IL1RAPL2: variants seen among roughly 807,000 people sequenced by gnomAD.
IL1RAPL2 encodes interleukin 1 receptor accessory protein like 2.
In IL1RAPL2, 3 loss-of-function variants were observed where a neutral mutation model predicts 44.1. That is an observed-to-expected ratio of 0.07 (90% CI 0.03 to 0.18). The LOEUF (loss-of-function observed/expected upper bound fraction) is 0.18. Ranked by LOEUF, IL1RAPL2 falls within the 10% of genes least tolerant of loss-of-function variation. IL1RAPL2 has a pLI of 1.00. For synonymous variants in IL1RAPL2, 181 were observed against 178.8 expected (o/e 1.01, Z -0.10); for missense variants, 391 against 496.4 (o/e 0.79, Z 2.02).
At chrX:104,879,737 C>T (rs981006474) in intron 2 of IL1RAPL2, among the ~76,000 whole-genome samples, 9 of 111,699 alleles carry the variant, frequency 8.1e-5, no homozygotes, top group Non-Finnish European at 1.7e-4. Context: ...TTGACTTCAT[C>T]CTCTACATAG....
At chrX:105,157,914 T>G (rs968079695) in intron 2 of IL1RAPL2, among the ~76,000 whole-genome samples, 16 of 112,206 alleles carry the variant, frequency 1.4e-4, no homozygotes, top group Non-Finnish European at 2.8e-4. Flanking sequence ...TGTATGAGTT[T>G]TAGCTTCCTT....
At chrX:105,721,057 T>C (rs896395790) in intron 7 of IL1RAPL2, among the ~76,000 whole-genome samples, 2 of 111,326 alleles carry the variant, frequency 1.8e-5, no homozygotes. Flanking sequence ...CAATCCAATG[T>C]CCATCAACAG....
intron 2 of IL1RAPL2, among the ~76,000 whole-genome samples, chrX:105,016,038 A>G (rs921607915): frequency 1.8e-5 from 2 of 111,228 alleles, no homozygotes; most frequent in African/African-American, 3.3e-5. Flanking sequence ...CATCCCTTGT[A>G]AGTTGGATTC....
At chrX:105,416,215 T>TA (rs773072757) in intron 5 of IL1RAPL2, among the ~76,000 whole-genome samples, 1 of 111,874 alleles carries the variant, frequency 8.9e-6, no homozygotes, top group African/African-American at 3.2e-5. Context: ...TAAGCCACAA[T>TA]AAAAAAAATC....
At chrX:105,458,199 A>T (rs1035895916) in intron 5 of IL1RAPL2, among the ~76,000 whole-genome samples, 2 of 111,423 alleles carry the variant, frequency 1.8e-5, no homozygotes, top group Admixed American at 1.9e-4. Context: ...CATCTGTAGG[A>T]GTATTTTTAA....
At chrX:104,815,306 AAG>A (rs1209854067) in intron 2 of IL1RAPL2, among the ~76,000 whole-genome samples, 3 of 111,583 alleles carry the variant, frequency 2.7e-5, no homozygotes, top group Non-Finnish European at 5.7e-5. Context: ...AGAAAAAAAC[AAG>A]ATGTGGGCAG....
chrX:104,654,085 T>G (rs1930206893), intron 1 of IL1RAPL2, among the ~76,000 whole-genome samples: 1 of 110,714 alleles, frequency 9.0e-6, no homozygotes, highest in Non-Finnish European at 1.9e-5. Flanking sequence ...TGGTGGCACT[T>G]TACAAACTCC....
At chrX:105,009,047 A>G (rs145601857) in intron 2 of IL1RAPL2, among the ~76,000 whole-genome samples, 7,054 of 111,809 alleles carry the variant, frequency 0.063, 595 homozygotes, top group African/African-American at 0.22. Flanking sequence ...AACCACAATG[A>G]GATACCATCT....
chrX:105,174,520 C>T (rs1433004934), intron 2 of IL1RAPL2, among the ~76,000 whole-genome samples: 8 of 111,659 alleles, frequency 7.2e-5, no homozygotes, highest in Non-Finnish European at 1.3e-4. Flanking sequence ...CTGTTGTCAT[C>T]CACTTACTGA....
At chrX:105,235,472 G>T (rs943016110) in intron 4 of IL1RAPL2, among the ~76,000 whole-genome samples, 14 of 111,280 alleles carry the variant, frequency 1.3e-4, no homozygotes, top group African/African-American at 4.6e-4. Context: ...CAGACCCTCA[G>T]TTCCTAGGGA....
intron 2 of IL1RAPL2, among the ~76,000 whole-genome samples, chrX:104,809,978 A>G (rs1276535635): frequency 4.6e-5 from 5 of 109,411 alleles, no homozygotes; most frequent in African/African-American, 1.3e-4. Context: ...TGTTTATTGC[A>G]GCACTATTCA....
intron 1 of IL1RAPL2, among the ~76,000 whole-genome samples, chrX:104,650,220 A>G (rs1195391287): frequency 3.6e-5 from 4 of 111,711 alleles, no homozygotes; most frequent in African/African-American, 1.3e-4. Flanking sequence ...GACTCTTTTT[A>G]GGAAAAAAAG....
intron 5 of IL1RAPL2, among the ~76,000 whole-genome samples, chrX:105,327,167 C>A (rs1230741473): frequency 1.8e-5 from 2 of 111,965 alleles, no homozygotes; most frequent in African/African-American, 3.3e-5. Context: ...TGTGTCCCTG[C>A]CATGCTCAGT....
intron 5 of IL1RAPL2, among the ~76,000 whole-genome samples, chrX:105,418,173 A>G (rs2035747819): frequency 9.0e-6 from 1 of 110,963 alleles, no homozygotes; most frequent in Non-Finnish European, 1.9e-5. Flanking sequence ...TCTAGGGCCT[A>G]CAACCGTGTC....
intron 2 of IL1RAPL2, among the ~76,000 whole-genome samples, chrX:104,696,741 C>T (rs1181448109): frequency 2.7e-5 from 3 of 111,742 alleles, no homozygotes; most frequent in African/African-American, 9.8e-5. Context: ...TATGCAGTAA[C>T]TTCATCACAT....
At chrX:105,717,976 G>A (rs749674648) in intron 7 of IL1RAPL2, among the ~76,000 whole-genome samples, 4 of 112,289 alleles carry the variant, frequency 3.6e-5, no homozygotes, top group Admixed American at 1.9e-4. Context: ...TGAAAAGACT[G>A]ATCCTTCAAT....
chrX:105,406,572 C>T (rs1323398819), intron 5 of IL1RAPL2: 23 of 1,190,492 alleles, frequency 1.9e-5, no homozygotes, highest in Non-Finnish European at 2.6e-5. Context: ...TGATCTTTCT[C>T]GTTTGGACCT....
chrX:104,904,995 C>A (rs1271163673), intron 2 of IL1RAPL2, among the ~76,000 whole-genome samples: 7 of 111,039 alleles, frequency 6.3e-5, no homozygotes, highest in African/African-American at 2.3e-4. Context: ...GATTGCCATT[C>A]TAACTGGTGT....
intron 2 of IL1RAPL2, among the ~76,000 whole-genome samples, chrX:104,825,651 A>G (rs1921430469): frequency 1.8e-5 from 2 of 112,386 alleles, no homozygotes; most frequent in African/African-American, 3.2e-5. Flanking sequence ...AAGTCATTCA[A>G]TAAACATAAC....
Sources: gnomAD v4.1 joint callset for allele counts (sites outside exome capture counted in the v4.1 genomes callset) on GRCh38, gnomAD v4.1.1 for gene constraint, MANE v1.5 for transcripts, NCBI Gene and HGNC (gene_info 2026-07-23, HGNC 2026-07-21) for gene names.